EPB41L3: variants seen among roughly 807,000 people sequenced by gnomAD.
EPB41L3 encodes erythrocyte membrane protein band 4.1 like 3, also known as band 4.1-like protein 3.
EPB41L3 carries 57 observed loss-of-function variants against 127.1 expected under a neutral mutation model. The ratio of observed to expected loss-of-function variants is 0.45; its 90% confidence interval spans 0.36 to 0.56. The LOEUF (loss-of-function observed/expected upper bound fraction) is 0.56. EPB41L3 is among the 20% of genes least tolerant of loss of function. The pLI is 0.00. For missense variants in EPB41L3, 1,273 were observed against 1,372.2 expected (o/e 0.93, Z 1.14); for synonymous variants, 572 against 549.5 (o/e 1.04, Z -0.57).
At chr18:5,432,268 C>T (rs533611114) in intron 8 of EPB41L3, among the ~76,000 whole-genome samples, 94 of 152,246 alleles carry the variant, frequency 6.2e-4, no homozygotes, top group Non-Finnish European at 1.1e-3. Context: ...GGTGTTTGCT[C>T]GAATGGAGCC....
In EPB41L3 at chr18:5,420,081, C is replaced by G. The variant is rs1233056401; in HGVS notation, c.1340-204G>C. The G allele has an allele frequency of 9.4e-6, 10 of 1,060,728 alleles. 1 individual carries two copies. The Admixed American group carries it at 2.9e-4, about 30-fold the overall frequency. The allele number at this position is 1,060,728 out of a possible 1,614,324, so 65.7% of individuals were successfully genotyped here. On this transcript the variant is annotated intron_variant, in intron 11 of 22. Coordinates refer to ENST00000341928, the MANE Select transcript of EPB41L3 (RefSeq NM_012307.5). ...AAAAACAAATCAGTGCTGCAGGGAC[C>G]TTCATGAGAGCATGACCTTCCTGTA...
intron 3 of EPB41L3, among the ~76,000 whole-genome samples, chr18:5,579,962 C>A (rs1325611377): frequency 1.3e-5 from 2 of 152,114 alleles, no homozygotes; most frequent in Non-Finnish European, 2.9e-5. Flanking sequence ...TAAAATATGA[C>A]CCTCAGTGCA....
intron 3 of EPB41L3, among the ~76,000 whole-genome samples, chr18:5,551,715 A>G (rs1224612976): frequency 6.6e-6 from 1 of 152,184 alleles, no homozygotes; most frequent in Non-Finnish European, 1.5e-5. Context: ...GCAAGACCCT[A>G]TCTCAACAAA....
chr18:5,489,112 C>T lies in EPB41L3; in HGVS notation c.72G>A (p.Gly24=). Residue 24 remains glycine (G), a synonymous_variant, in exon 2 of 23, where the codon GGG becomes GGA. Transcript: ENST00000341928. The stretch of plus-strand genomic sequence containing the variant: ...CGGGCGCCCCCGCGCGCCCCTGCGC[C>T]CCCGCCGCCTCCTGGGGCTCGGCCT... The part of the protein sequence containing the change: ...DQEAEPQEAA[G]AQGRAGAPVP... 6.3e-7 allele frequency: 1 copy of T among 1,594,930 alleles called. No homozygotes were observed. The highest frequency in any genetic ancestry group is 8.5e-7 in the Non-Finnish European group (1 of 1,174,910).
intron 8 of EPB41L3, among the ~76,000 whole-genome samples, 173 bp from the exon 9 acceptor site, chr18:5,428,638 G>A (rs1343364971): frequency 1.3e-5 from 2 of 152,144 alleles, no homozygotes; most frequent in Non-Finnish European, 2.9e-5. Flanking sequence ...TGGTGAAGAT[G>A]TTTATCACTA....
intron 3 of EPB41L3, among the ~76,000 whole-genome samples, chr18:5,454,002 C>T (rs1013204305): frequency 6.6e-6 from 1 of 152,082 alleles, no homozygotes; most frequent in Non-Finnish European, 1.5e-5. Context: ...TTCTAAATGA[C>T]TGCACTACCA....
intron 1 of EPB41L3, among the ~76,000 whole-genome samples, chr18:5,495,719 C>A (rs554030376): frequency 6.6e-6 from 1 of 152,158 alleles, no homozygotes; most frequent in Non-Finnish European, 1.5e-5. Flanking sequence ...TAAATAAGAG[C>A]GCAGGGAGGC....
intron 11 of EPB41L3, among the ~76,000 whole-genome samples, chr18:5,420,851 AAAAG>A (rs1270864504): frequency 6.6e-6 from 1 of 152,242 alleles, no homozygotes; most frequent in African/African-American, 2.4e-5. Context: ...AAACGTAAAT[AAAAG>A]AAAGGATTCT....
intron 3 of EPB41L3, among the ~76,000 whole-genome samples, chr18:5,467,934 C>T (rs2147374521): frequency 6.6e-6 from 1 of 152,288 alleles, no homozygotes; most frequent in South Asian, 2.1e-4. Flanking sequence ...TGGATTTGGG[C>T]ATCCCTGCAC....
At chr18:5,469,981 T>C (rs1288012096) in intron 3 of EPB41L3, among the ~76,000 whole-genome samples, 1 of 152,162 alleles carries the variant, frequency 6.6e-6, no homozygotes, top group Admixed American at 6.5e-5. Context: ...CGTTTCACCA[T>C]GTTGGCCAGG....
intron 1 of EPB41L3, among the ~76,000 whole-genome samples, chr18:5,622,756 C>T (rs1021697154): frequency 6.6e-6 from 1 of 152,156 alleles, no homozygotes; most frequent in Non-Finnish European, 1.5e-5. Context: ...CTCCCACAGA[C>T]TCCTGGTCTC....
At chr18:5,479,521 T>C (rs1403428905) in intron 2 of EPB41L3, 1 of 152,236 alleles carries the variant, frequency 6.6e-6, no homozygotes, top group African/African-American at 2.4e-5. Flanking sequence ...GGTATATTTA[T>C]TTTGGGTTTT....
intron 3 of EPB41L3, chr18:5,570,938 T>C (rs1599038855): frequency 6.6e-6 from 1 of 152,240 alleles, no homozygotes; most frequent in African/African-American, 2.4e-5. Flanking sequence ...ATAGTTTTCA[T>C]TGTATCAAAT....
intron 12 of EPB41L3, among the ~76,000 whole-genome samples, chr18:5,419,155 AGCT>A (rs1393172085): frequency 6.6e-6 from 1 of 152,222 alleles, no homozygotes; most frequent in African/African-American, 2.4e-5. Context: ...TGAAAGAAGA[AGCT>A]GCTGCCAAAT....
At chr18:5,533,589 T>C (rs572330162) in intron 1 of EPB41L3, among the ~76,000 whole-genome samples, 87 of 152,338 alleles carry the variant, frequency 5.7e-4, no homozygotes, top group Non-Finnish European at 9.6e-4. Context: ...TAGCTCAGTA[T>C]GATTTTGACC....
rs8092842 is a variant in EPB41L3 at position 5,412,361 on chromosome 18, G to A, written c.2068-1742C>T. 7.5e-3 allele frequency among the ~76,000 whole-genome samples: 1,148 copies of A among 152,082 alleles called. 9 individuals carry two copies. Among genetic ancestry groups the A allele is most frequent in the African/African-American group, 0.027 (1,100 of 41,470 alleles). The stretch of plus-strand genomic sequence containing the variant: ...GAGGACTCCCTATAGTCCTAGCTGG[G>A]ACTATAGGTGCATGCCACCATGCCT... On this transcript the variant is annotated intron_variant, in intron 13 of 22. Transcript: ENST00000341928.
At chr18:5,563,860 G>A (rs72868456) in intron 3 of EPB41L3, among the ~76,000 whole-genome samples, 7,994 of 152,190 alleles carry the variant, frequency 0.053, 265 homozygotes, top group Middle Eastern at 0.12. Flanking sequence ...CTAACAATCC[G>A]TAAAATATTT....
chr18:5,394,255 A>C (rs2143547016), intron 22 of EPB41L3: 1 of 156,420 alleles, frequency 6.4e-6, no homozygotes, highest in African/African-American at 2.4e-5. Context: ...AGAAGGAGAA[A>C]GGGGTATATA....
At chr18:5,495,760 C>T (rs1047867910) in intron 1 of EPB41L3, among the ~76,000 whole-genome samples, 15 of 152,168 alleles carry the variant, frequency 9.9e-5, no homozygotes, top group African/African-American at 2.9e-4. Context: ...GTGGGTTCCG[C>T]GCCCAACTCT....
Sources: gnomAD v4.1 joint callset for allele counts (sites outside exome capture counted in the v4.1 genomes callset) on GRCh38, gnomAD v4.1.1 for gene constraint, MANE v1.5 for transcripts, NCBI Gene and HGNC (gene_info 2026-07-23, HGNC 2026-07-21) for gene names.